GRID2IP: variants seen among roughly 807,000 people sequenced by gnomAD.
The protein encoded by GRID2IP is Grid2 interacting protein, also known as delphilin.
In GRID2IP, 78 loss-of-function variants were observed where a neutral mutation model predicts 114.3. The observed-to-expected ratio is 0.68, with a 90% confidence interval of 0.57 to 0.82. GRID2IP has a LOEUF of 0.82. Ranked by LOEUF, GRID2IP falls within the 40% of genes least tolerant of loss-of-function variation. The pLI, the probability that GRID2IP is intolerant of heterozygous loss-of-function variation, is 0.00. For missense variants in GRID2IP, 1,727 were observed against 1,678.5 expected (o/e 1.03, Z -0.51); for synonymous variants, 809 against 724.0 (o/e 1.12, Z -1.89).
intron 11 of GRID2IP, among the ~76,000 whole-genome samples, 172 bp downstream of exon 11, chr7:6,510,111 C>T (rs917734267): frequency 1.3e-5 from 2 of 152,020 alleles, no homozygotes; most frequent in Non-Finnish European, 2.9e-5. Context: ...ATTACAGGCA[C>T]GACCCACGGT....
At chr7:6,525,361 C>G (rs1334387470) in intron 4 of GRID2IP, among the ~76,000 whole-genome samples, 3 of 152,040 alleles carry the variant, frequency 2.0e-5, no homozygotes, top group African/African-American at 7.2e-5. Flanking sequence ...ATGGCTCACG[C>G]CTGTACTCCC....
chr7:6,544,270 T>G (rs1779853101), intron 1 of GRID2IP, among the ~76,000 whole-genome samples: 1 of 141,746 alleles, frequency 7.1e-6, no homozygotes, highest in South Asian at 2.1e-4. Context: ...CATGGTTTTC[T>G]TTTTCTTTTT....
At chr7:6,545,420 C>T (rs1457465315) in intron 1 of GRID2IP, among the ~76,000 whole-genome samples, 2 of 152,210 alleles carry the variant, frequency 1.3e-5, no homozygotes, top group Non-Finnish European at 2.9e-5. Flanking sequence ...GCACTTGAGG[C>T]TCTCCACGAC....
rs1562528076 is a variant in GRID2IP at position 6,551,414 on chromosome 7, GC to G, written c.22del (p.Ala8ProfsTer14). MATTATP[A>X]TNQGWPEDFG... ...GTCCTCTGGCCAGCCCTGGTTCGTG[GC>G]CGGCGTGGCAGTGGTGGCCATGCAC... On this transcript the variant is annotated frameshift_variant, in exon 1 of 22. Coordinates refer to ENST00000457091, the MANE Select transcript of GRID2IP (RefSeq NM_001145118.2). LOFTEE classifies it high-confidence loss of function. 4 of 1,544,718 alleles carry G rather than the reference GC, an allele frequency of 2.6e-6. No homozygotes were observed. Among genetic ancestry groups the G allele is most frequent in the Non-Finnish European group, 3.5e-6 (4 of 1,144,110 alleles).
Position 6,508,908 on chromosome 7 carries a change from C to T in GRID2IP, c.2127+50G>A, listed in dbSNP as rs536001536. 103 of 1,515,110 alleles carry T rather than the reference C, an allele frequency of 6.8e-5. No individual in the cohort carries two copies. The East Asian group carries it at 1.7e-3, about 26-fold the overall frequency. The allele number at this position is 1,515,110 out of a possible 1,614,324, so 93.9% of individuals were successfully genotyped here. A position where few individuals can be genotyped will look rare whatever the true frequency, so the allele number is the denominator to read the frequency against. ...CCAGGAACACTGTTGCCTTGCAGAC[C>T]GCCACACCTCGCCTCACCCGCCTCC... On this transcript the variant is annotated intron_variant, in intron 12 of 21. Coordinates refer to ENST00000457091, the MANE Select transcript of GRID2IP (RefSeq NM_001145118.2). The surrounding 1 kb of genome is among the most constrained non-coding windows in gnomAD (Gnocchi z 5.6).
intron 20 of GRID2IP, among the ~76,000 whole-genome samples, chr7:6,501,346 G>A (rs1317933622): frequency 6.6e-6 from 1 of 152,048 alleles, no homozygotes; most frequent in African/African-American, 2.4e-5. Context: ...GCAAGGCTCT[G>A]TCTCAAAAAA....
intron 15 of GRID2IP, 23 bp downstream of exon 15, chr7:6,504,770 C>G (rs993186962): frequency 1.3e-6 from 2 of 1,544,390 alleles, no homozygotes; most frequent in African/African-American, 1.4e-5. Flanking sequence ...CCCTACACCC[C>G]CTGGGGTTCC....
chr7:6,503,172 A>C lies in GRID2IP; in HGVS notation c.2908-9T>G. The stretch of plus-strand genomic sequence containing the variant: ...TCGGGAACTGACAGCATCTGCCTCG[A>C]AGGCAGAGCCAGGATTCACCCATCC... On this transcript the variant is annotated splice_polypyrimidine_tract_variant and intron_variant, in intron 16 of 21. Coordinates refer to ENST00000457091, the MANE Select transcript of GRID2IP (RefSeq NM_001145118.2). 6.6e-7 allele frequency: 1 copy of C among 1,507,260 alleles called. No homozygotes were observed. Among genetic ancestry groups the C allele is most frequent in the Non-Finnish European group, 8.9e-7 (1 of 1,123,374 alleles). The allele number at this position is 1,507,260 out of a possible 1,614,324, so 93.4% of individuals were successfully genotyped here.
chr7:6,509,653 C>T lies in GRID2IP; in HGVS notation c.1772-340G>A, dbSNP rs1001938925. ...CCAGAGCCACAGTCATGGAGCGTCT[C>T]GCGCACCCAGCAAGCCCTGAGATCA... On this transcript the variant is annotated intron_variant, in intron 11 of 21. Coordinates refer to ENST00000457091, the MANE Select transcript of GRID2IP (RefSeq NM_001145118.2). This position sits in a 1 kb window ranked among gnomAD's most constrained non-coding sequence, Gnocchi z 4.9. Among the ~76,000 whole-genome samples the T allele has an allele frequency of 1.3e-5, 2 of 152,154 alleles. No individual in the cohort carries two copies. Among genetic ancestry groups the T allele is most frequent in the Admixed American group, 6.5e-5 (1 of 15,286 alleles).
chr7:6,538,410 A>G (rs867561992), intron 2 of GRID2IP, among the ~76,000 whole-genome samples: 2 of 146,936 alleles, frequency 1.4e-5, no homozygotes, highest in Non-Finnish European at 3.0e-5. Context: ...CAAAACAAGA[A>G]AAGTAATCAG....
chr7:6,533,561 G>C (rs755740178), intron 2 of GRID2IP, among the ~76,000 whole-genome samples: 1 of 151,398 alleles, frequency 6.6e-6, no homozygotes, highest in Admixed American at 6.6e-5. Context: ...ATGGGGTCTC[G>C]CTCTGTTGCC....
intron 1 of GRID2IP, among the ~76,000 whole-genome samples, chr7:6,549,576 G>A (rs1320302260): frequency 6.6e-6 from 1 of 152,202 alleles, no homozygotes; most frequent in East Asian, 1.9e-4. Flanking sequence ...TCCTGGTTTT[G>A]TGGGGGCTTA....
rs541391378 is a variant in GRID2IP at position 6,536,197 on chromosome 7, C to T, written c.584+3521G>A. 6.6e-6 allele frequency among the ~76,000 whole-genome samples: 1 copy of T among 152,114 alleles called. No individual in the cohort carries two copies. The highest frequency in any genetic ancestry group is 2.4e-5 in the African/African-American group (1 of 41,428). On this transcript the variant is annotated intron_variant, in intron 2 of 21. Transcript: ENST00000457091. This position sits in a 1 kb window ranked among gnomAD's most constrained non-coding sequence, Gnocchi z 5.3. ...GGGAAGTAGGGGGTTTGAAGAGGTG[C>T]GGGGTGGCTGAAGCCCTACTGCCAG... is the stretch of plus-strand genomic sequence containing the variant.
At chr7:6,514,158 C>T (rs1278350899) in intron 8 of GRID2IP, among the ~76,000 whole-genome samples, 1 of 151,904 alleles carries the variant, frequency 6.6e-6, no homozygotes, top group Admixed American at 6.6e-5. Flanking sequence ...GAGGCTGACG[C>T]AGGAGAATCG....
At position 6,534,989 on chromosome 7, in the gene GRID2IP, G is replaced by A. The variant is rs1169624347; in HGVS notation, c.584+4729C>T. Among the ~76,000 whole-genome samples, 1 of 152,222 alleles carries A rather than the reference G, an allele frequency of 6.6e-6. No homozygotes were observed. Among genetic ancestry groups the A allele is most frequent in the Non-Finnish European group, 1.5e-5 (1 of 68,050 alleles). On this transcript the variant is annotated intron_variant, in intron 2 of 21. Transcript: ENST00000457091. The surrounding 1 kb of genome is among the most constrained non-coding windows in gnomAD (Gnocchi z 4.5). ...CAATCTCCGCCTCCCAGGTTCAAGC[G>A]ATGCTCCTGCCTCAGCCTCCCGAGT...
chr7:6,550,015 C>T (rs1459677731), intron 1 of GRID2IP, among the ~76,000 whole-genome samples: 1 of 148,428 alleles, frequency 6.7e-6, no homozygotes, highest in Admixed American at 6.8e-5. Context: ...TTTAGAGATG[C>T]GGTCTCACTC....
intron 2 of GRID2IP, among the ~76,000 whole-genome samples, chr7:6,530,160 G>C (rs942634724): frequency 6.6e-6 from 1 of 151,442 alleles, no homozygotes; most frequent in Admixed American, 6.6e-5. Flanking sequence ...GGGTTTCACC[G>C]TTTTAGCCAG....
chr7:6,517,898 G>A (rs1174352739), intron 7 of GRID2IP, among the ~76,000 whole-genome samples: 1 of 147,138 alleles, frequency 6.8e-6, no homozygotes, highest in African/African-American at 2.7e-5. Flanking sequence ...GCAAAACTCT[G>A]CTTCAAAATA....
At chr7:6,504,619 G>A (rs1786521959) in intron 15 of GRID2IP, among the ~76,000 whole-genome samples, 174 bp downstream of exon 15, 1 of 152,110 alleles carries the variant, frequency 6.6e-6, no homozygotes, top group African/African-American at 2.4e-5. Context: ...CAGCACCCGC[G>A]CCCAGATGGG....
Sources: gnomAD v4.1 joint callset for allele counts (sites outside exome capture counted in the v4.1 genomes callset) on GRCh38, gnomAD v4.1.1 for gene constraint, Gnocchi (gnomAD v3.1) non-coding constraint, MANE v1.5 for transcripts, NCBI Gene and HGNC (gene_info 2026-07-23, HGNC 2026-07-21) for gene names.